The following MIA2 variants were observed in gnomAD, a reference collection of about 807,000 sequenced individuals.
MIA2 encodes melanoma inhibitory activity protein 2.
In MIA2, 127 loss-of-function variants were observed where a neutral mutation model predicts 167.8. That is an observed-to-expected ratio of 0.76 (90% CI 0.66 to 0.88). The LOEUF is 0.88. Among genes scored for constraint, MIA2 ranks in the 40% least tolerant of loss-of-function variants. The probability of loss-of-function intolerance (pLI) is 0.00; values close to 1 mark genes in which losing one functional copy is unlikely to be tolerated. For synonymous variants in MIA2, 552 were observed against 541.9 expected (o/e 1.02, Z -0.26); for missense variants, 1,690 against 1,624.7 (o/e 1.04, Z -0.69).
chr14:39,293,276 C>T lies in MIA2; in HGVS notation c.2214C>T (p.Thr738=). Residue 738 remains threonine, a synonymous_variant, in exon 11 of 29, where the codon ACC becomes ACT. Transcript: ENST00000640607. The part of the protein sequence containing the change: ...EATEAQSLEA[T]CEKLNRSNSE... ...AAGTTGGCTTTCTCTCTTAGGCAAC[C>T]TGTGAAAAGCTGAACAGGTCCAATT... 1 of 1,607,540 alleles carries T rather than the reference C, an allele frequency of 6.2e-7. No homozygotes were observed. The highest frequency in any genetic ancestry group is 1.3e-5 in the African/African-American group (1 of 74,688).
intron 6 of MIA2, chr14:39,267,219 C>T (rs963927810): frequency 4.5e-6 from 6 of 1,347,576 alleles, no homozygotes; most frequent in East Asian, 3.0e-5. Flanking sequence ...GGGTCGGGCT[C>T]GGACCTGCGC....
intron 25 of MIA2, among the ~76,000 whole-genome samples, chr14:39,329,056 T>G (rs1226676381): frequency 6.6e-6 from 1 of 152,122 alleles, no homozygotes; most frequent in Admixed American, 6.6e-5. Flanking sequence ...TTACTTTGGG[T>G]AGTATGGCCA....
At chr14:39,269,100 G>A (rs1420041418) in intron 6 of MIA2, 15 of 314,162 alleles carry the variant, frequency 4.8e-5, no homozygotes, top group Non-Finnish European at 4.9e-5. Flanking sequence ...TTTTTTTTTT[G>A]CTAAATGCGA....
intron 3 of MIA2, among the ~76,000 whole-genome samples, chr14:39,245,559 T>C (rs1472136708): frequency 6.6e-6 from 1 of 152,192 alleles, no homozygotes; most frequent in Non-Finnish European, 1.5e-5. Flanking sequence ...AATTCCCCTC[T>C]TAGTCAATGT....
intron 17 of MIA2, among the ~76,000 whole-genome samples, chr14:39,307,369 A>G (rs1030478985): frequency 2.6e-5 from 4 of 151,470 alleles, no homozygotes; most frequent in African/African-American, 9.7e-5. Flanking sequence ...AATCCTATAA[A>G]TAATAACAAA....
chr14:39,264,720 A>T (rs1394361542), intron 6 of MIA2, among the ~76,000 whole-genome samples: 2 of 152,214 alleles, frequency 1.3e-5, no homozygotes, highest in African/African-American at 4.8e-5. Context: ...TTTCTTCCAA[A>T]AGAGTAAATC....
chr14:39,304,497 AC>A, intron 17 of MIA2, 116 bp downstream of exon 17: 1 of 550,686 alleles, frequency 1.8e-6, no homozygotes, highest in South Asian at 3.4e-5. Flanking sequence ...TTTTTTTTTA[AC>A]TTTTGTTCCT....
At chr14:39,312,082 C>T (rs558141136) in intron 18 of MIA2, among the ~76,000 whole-genome samples, 2 of 152,248 alleles carry the variant, frequency 1.3e-5, no homozygotes, top group African/African-American at 2.4e-5. Context: ...CCCACCTCTG[C>T]CTCCCAAAGT....
Position 39,326,963 on chromosome 14 carries a change from A to G in MIA2, c.3596A>G (p.Asp1199Gly), listed in dbSNP as rs1306279633. 6.3e-7 allele frequency: 1 copy of G among 1,584,364 alleles called. No individual in the cohort carries two copies. The highest frequency in any genetic ancestry group is 8.6e-7 in the Non-Finnish European group (1 of 1,167,814). The change falls in exon 25 of 29, where the codon GAC becomes GGC. Residue 1199 changes from aspartate (D) to glycine (G), a missense_variant. Transcript: ENST00000640607. ...ACCGATCCTCATAGGGCTCCCTCTG[A>G]CACTGGGTCTCTGTCACCTCCATGG... ...RLTDPHRAPS[D>G]TGSLSPPWDQ...
intron 25 of MIA2, among the ~76,000 whole-genome samples, chr14:39,345,375 T>C (rs2073012509): frequency 6.6e-6 from 1 of 152,172 alleles, no homozygotes; most frequent in Non-Finnish European, 1.5e-5. Context: ...TACCCGTCTC[T>C]TTCCATTTGG....
chr14:39,335,811 A>G (rs2070260594), intron 25 of MIA2, among the ~76,000 whole-genome samples: 1 of 152,128 alleles, frequency 6.6e-6, no homozygotes, highest in Non-Finnish European at 1.5e-5. Flanking sequence ...TCATCTTTAT[A>G]TCCATGTGTA....
In MIA2 at chr14:39,292,945, C is replaced by T. The variant is rs182665653; in HGVS notation, c.2209-326C>T. Among the ~76,000 whole-genome samples, 102 of 152,098 alleles carry T rather than the reference C, an allele frequency of 6.7e-4. 1 individual carries two copies. The highest frequency in any genetic ancestry group is 1.1e-3 in the Non-Finnish European group (77 of 67,996). On this transcript the variant is annotated intron_variant, in intron 10 of 28. Coordinates refer to ENST00000640607, the MANE Select transcript of MIA2 (RefSeq NM_001329214.4). ...AGGTTGGCAAACTGTGCCTAATGGG[C>T]TCTCCACTTTTTTTTGTAAAAAATT... is the stretch of plus-strand genomic sequence containing the variant.
At chr14:39,281,003 A>G (rs28630597) in intron 9 of MIA2, among the ~76,000 whole-genome samples, 13,755 of 142,572 alleles carry the variant, frequency 0.096, 761 homozygotes, top group South Asian at 0.19. Flanking sequence ...GCTCACTTCA[A>G]TCTCCACTTC....
rs995012109 is a variant in MIA2, at chr14:39,378,952, A to G, written c.2249-7933A>G. 3.9e-5 allele frequency among the ~76,000 whole-genome samples: 6 copies of G among 152,358 alleles called. No homozygotes were observed. In the South Asian group the frequency reaches 1.0e-3, roughly 26 times the overall value. ...ATAAGTCATTCATTTAGCCAAAGTG[A>G]TAAGATTTTGTTTAAAAGGCAAAAA... On this transcript the variant is annotated intron_variant, in intron 23 of 23. Coordinates refer to the MIA2 transcript ENST00000341502.
At chr14:39,288,171 A>C (rs2060071004) in intron 9 of MIA2, among the ~76,000 whole-genome samples, 2 of 151,836 alleles carry the variant, frequency 1.3e-5, no homozygotes, top group Non-Finnish European at 2.9e-5. Context: ...TTATCAAGAG[A>C]TGATGTTGGG....
chr14:39,294,841 A>C, intron 12 of MIA2, 84 bp from the exon 13 acceptor site: 2 of 909,856 alleles, frequency 2.2e-6, no homozygotes, highest in Non-Finnish European at 3.5e-6. Context: ...CCTTTGTTTA[A>C]TTCTGTGTTC....
chr14:39,273,256 C>A (rs1308592603), intron 6 of MIA2, among the ~76,000 whole-genome samples: 2 of 133,316 alleles, frequency 1.5e-5, no homozygotes, highest in Non-Finnish European at 3.2e-5. Context: ...TTTTTTTCCT[C>A]ATCTTTAAGT....
At chr14:39,263,807 A>G (rs1594749399) in intron 6 of MIA2, among the ~76,000 whole-genome samples, 1 of 151,128 alleles carries the variant, frequency 6.6e-6, no homozygotes, top group South Asian at 2.1e-4. Flanking sequence ...AATTTTTTGT[A>G]TTTTTTAGTA....
intron 13 of MIA2, among the ~76,000 whole-genome samples, chr14:39,296,586 C>G (rs989210934): frequency 7.1e-6 from 1 of 141,340 alleles, no homozygotes; most frequent in Admixed American, 7.2e-5. Flanking sequence ...TGGCCACGGG[C>G]GGGGTTTTCT....
Sources: gnomAD v4.1 joint callset for allele counts (sites outside exome capture counted in the v4.1 genomes callset) on GRCh38, gnomAD v4.1.1 for gene constraint, MANE v1.5 for transcripts, NCBI Gene and HGNC (gene_info 2026-07-23, HGNC 2026-07-21) for gene names.